Variants in PCDHA3 observed in about 807,000 individuals in gnomAD.
PCDHA3 encodes the protein protocadherin alpha-3.
PCDHA3 carries 41 observed loss-of-function variants against 62.2 expected under a neutral mutation model. That is an observed-to-expected ratio of 0.66 (90% CI 0.51 to 0.86). The LOEUF (loss-of-function observed/expected upper bound fraction) is 0.86, where lower values mean the gene tolerates loss of function less well. PCDHA3 is among the 40% of genes least tolerant of loss of function. The pLI, the probability that PCDHA3 is intolerant of heterozygous loss-of-function variation, is 0.00. For synonymous variants in PCDHA3, 640 were observed against 555.4 expected (o/e 1.15, Z -2.14); for missense variants, 1,304 against 1,241.2 (o/e 1.05, Z -0.76).
intron 3 of PCDHA3, among the ~76,000 whole-genome samples, chr5:140,990,741 G>A (rs528078912): frequency 4.3e-4 from 65 of 152,270 alleles, no homozygotes; most frequent in African/African-American, 1.2e-3. Context: ...ACAGCCCTAG[G>A]GTGGATACCT....
At chr5:140,869,811 C>T (rs1554163508) in intron 1 of PCDHA3, 10 of 1,612,246 alleles carry the variant, frequency 6.2e-6, no homozygotes, top group African/African-American at 2.7e-5. Context: ...TGGATGTCAA[C>T]GACAATGATC....
chr5:140,889,103 T>C (rs1554183781), intron 1 of PCDHA3, among the ~76,000 whole-genome samples: 2 of 151,990 alleles, frequency 1.3e-5, no homozygotes. Flanking sequence ...TTTTTTCATC[T>C]TTATTCCAGG....
chr5:140,871,226 G>T, intron 1 of PCDHA3: 1 of 1,613,918 alleles, frequency 6.2e-7, no homozygotes, highest in South Asian at 1.1e-5. Flanking sequence ...GTGGTGTCCA[G>T]CCTCCTGGTA....
chr5:140,829,694 G>A (rs1262192253), intron 1 of PCDHA3: 1 of 1,613,324 alleles, frequency 6.2e-7, no homozygotes, highest in Non-Finnish European at 8.5e-7. Flanking sequence ...GCAGTTTCAG[G>A]TGAGCGCGCG....
intron 1 of PCDHA3, among the ~76,000 whole-genome samples, chr5:140,946,311 T>C (rs896667905): frequency 6.6e-6 from 1 of 151,784 alleles, no homozygotes; most frequent in Non-Finnish European, 1.5e-5. Flanking sequence ...AGAATGGCTA[T>C]TATTGAAAGA....
chr5:140,842,521 C>A (rs144333530), intron 1 of PCDHA3: 1 of 1,613,390 alleles, frequency 6.2e-7, no homozygotes, highest in African/African-American at 1.3e-5. Context: ...TGGTGTCCAC[C>A]TTCAAGAATT....
intron 1 of PCDHA3, chr5:140,827,909 A>T: frequency 1.2e-6 from 1 of 822,554 alleles, no homozygotes; most frequent in Non-Finnish European, 1.9e-6. Context: ...GAGCCGCATG[A>T]TGTCGCTGTC....
intron 1 of PCDHA3, among the ~76,000 whole-genome samples, chr5:140,919,778 A>G (rs1252402940): frequency 2.6e-5 from 4 of 152,170 alleles, no homozygotes; most frequent in Non-Finnish European, 5.9e-5. Context: ...TGTTACACAT[A>G]TTACATCTTG....
intron 1 of PCDHA3, among the ~76,000 whole-genome samples, chr5:140,892,860 T>C (rs1554185404): frequency 6.6e-6 from 1 of 152,158 alleles, no homozygotes; most frequent in Non-Finnish European, 1.5e-5. Flanking sequence ...ATTCCTCCTG[T>C]GTAGCTATAA....
At chr5:140,807,710 A>G (rs782047750) in intron 1 of PCDHA3, 3 of 1,614,194 alleles carry the variant, frequency 1.9e-6, no homozygotes, top group African/African-American at 2.7e-5. Flanking sequence ...ACTGAGCCCA[A>G]ATGAATACTT....
At chr5:140,922,916 C>T (rs2081069739) in intron 1 of PCDHA3, among the ~76,000 whole-genome samples, 1 of 152,146 alleles carries the variant, frequency 6.6e-6, no homozygotes, top group South Asian at 2.1e-4. Context: ...TACAAATAAA[C>T]TTCAGACTTT....
intron 1 of PCDHA3, chr5:140,853,722 A>C (rs1236467209): frequency 2.0e-6 from 2 of 988,342 alleles, no homozygotes; most frequent in African/African-American, 1.8e-5. Flanking sequence ...GCAGCACCTA[A>C]GTCCTCATTG....
rs1007978772 is a variant in PCDHA3 at position 140,843,987 on chromosome 5, G to C, written c.2394+40396G>C. 1.2e-4 allele frequency among the ~76,000 whole-genome samples: 18 copies of C among 149,540 alleles called. 1 individual carries two copies. Among genetic ancestry groups the C allele is most frequent in the African/African-American group, 4.2e-4 (17 of 40,920 alleles). On this transcript the variant is annotated intron_variant, in intron 1 of 3. Transcript: ENST00000522353. ...ATTTATTTTGGCCTGCCTTACAGCCGTCTTCTCTGAACAATACTCTAAGGA... is the reference window on the plus strand; with the variant it reads ...ATTTATTTTGGCCTGCCTTACAGCCCTCTTCTCTGAACAATACTCTAAGGA...
chr5:140,887,391 C>T lies in PCDHA3; in HGVS notation c.2394+83800C>T, dbSNP rs181873563. ...GATTACAGGTGTGAGCCACCGCGCC[C>T]GGCTCTTTATCTCATTTTTATTTTT... On this transcript the variant is annotated intron_variant, in intron 1 of 3. Coordinates refer to ENST00000522353, the MANE Select transcript of PCDHA3 (RefSeq NM_018906.3). Among the ~76,000 whole-genome samples, 23 of 152,222 alleles carry T rather than the reference C, an allele frequency of 1.5e-4. 1 individual carries two copies. Among genetic ancestry groups the T allele is most frequent in the African/African-American group, 4.8e-4 (20 of 41,540 alleles).
At chr5:140,821,880 G>A (rs2150111608) in intron 1 of PCDHA3, 4 of 1,614,104 alleles carry the variant, frequency 2.5e-6, no homozygotes, top group Non-Finnish European at 3.4e-6. Flanking sequence ...ACTCGATCCC[G>A]GAGGAAGCCA....
chr5:140,821,057 T>A (rs1253848175), intron 1 of PCDHA3, among the ~76,000 whole-genome samples: 6 of 152,004 alleles, frequency 3.9e-5, no homozygotes, highest in Non-Finnish European at 5.9e-5. Context: ...AAGAATGCCA[T>A]TAAAATAGTT....
In PCDHA3 at chr5:140,801,471, C is replaced by A. The variant is rs782465156; in HGVS notation, c.274C>A (p.Arg92Ser). The A allele has an allele frequency of 1.4e-5, 23 of 1,614,000 alleles. No homozygotes were observed. Among genetic ancestry groups the A allele is most frequent in the Admixed American group, 5.0e-5 (3 of 60,022 alleles). ...TTTGTTTGTGAATTCTCGGATAGAC[C>A]GCGAGGAACTGTGCGGGCGGAGCGC... ...GILFVNSRID[R>S]EELCGRSAEC... is the part of the protein sequence containing the mutation. Residue 92 changes from arginine to serine, a missense_variant, in exon 1 of 4, where the codon CGC becomes AGC. Arg to Ser is a moderately radical substitution (Grantham distance 110, BLOSUM62 -1). Coordinates refer to ENST00000522353, the MANE Select transcript of PCDHA3 (RefSeq NM_018906.3).
chr5:140,949,915 T>A (rs1459531816), intron 1 of PCDHA3, among the ~76,000 whole-genome samples: 1 of 151,274 alleles, frequency 6.6e-6, no homozygotes, highest in African/African-American at 2.4e-5. Context: ...TAGATATAAC[T>A]ATTTTTAGAT....
chr5:140,831,690 G>A (rs191076937), intron 1 of PCDHA3, among the ~76,000 whole-genome samples: 1 of 152,120 alleles, frequency 6.6e-6, no homozygotes, highest in Non-Finnish European at 1.5e-5. Context: ...ATGAAAAGCA[G>A]CAAAAAGTAG....
Sources: gnomAD v4.1 joint callset for allele counts (sites outside exome capture counted in the v4.1 genomes callset) on GRCh38, gnomAD v4.1.1 for gene constraint, MANE v1.5 for transcripts, NCBI Gene and HGNC (gene_info 2026-07-23, HGNC 2026-07-21) for gene names.